SUMF1: variants seen among roughly 807,000 people sequenced by gnomAD.
SUMF1 encodes formylglycine-generating enzyme.
SUMF1 carries 48 observed loss-of-function variants against 47.6 expected under a neutral mutation model. The ratio of observed to expected loss-of-function variants is 1.01; its 90% confidence interval spans 0.80 to 1.28. SUMF1 has a LOEUF of 1.28. SUMF1 is among the 50% of genes most tolerant of loss of function. The pLI is 0.00. For missense variants in SUMF1, 571 were observed against 485.4 expected (o/e 1.18, Z -1.66); for synonymous variants, 230 against 192.1 (o/e 1.20, Z -1.63).
intron 8 of SUMF1, among the ~76,000 whole-genome samples, chr3:4,127,985 A>G (rs770377742): frequency 2.0e-5 from 3 of 152,154 alleles, no homozygotes; most frequent in Non-Finnish European, 4.4e-5. Context: ...TAGTGACTCT[A>G]TACATAATAC....
chr3:4,365,841 G>T (rs186433485), intron 8 of SUMF1, among the ~76,000 whole-genome samples: 3,038 of 152,156 alleles, frequency 0.02, 105 homozygotes, highest in African/African-American at 0.069. Flanking sequence ...GCATGATTTT[G>T]CAGTGGCTGG....
intron 8 of SUMF1, among the ~76,000 whole-genome samples, chr3:4,264,024 A>T (rs1302568483): frequency 1.3e-5 from 2 of 152,202 alleles, no homozygotes; most frequent in African/African-American, 4.8e-5. Flanking sequence ...TTTCTGAAGA[A>T]GTTTATCATT....
At chr3:4,077,487 C>A (rs555037978) in intron 8 of SUMF1, among the ~76,000 whole-genome samples, 1 of 152,030 alleles carries the variant, frequency 6.6e-6, no homozygotes, top group Non-Finnish European at 1.5e-5. Context: ...TGAAAAAGAA[C>A]AAGTTCATGT....
At chr3:4,345,471 G>C (rs144748418) in intron 8 of SUMF1, among the ~76,000 whole-genome samples, 2 of 152,166 alleles carry the variant, frequency 1.3e-5, no homozygotes, top group Non-Finnish European at 2.9e-5. Flanking sequence ...ATCCTTTCCA[G>C]ACAAGCAAAT....
chr3:4,253,416 G>C (rs368975131), intron 8 of SUMF1, among the ~76,000 whole-genome samples: 162 of 152,314 alleles, frequency 1.1e-3, no homozygotes, highest in African/African-American at 3.7e-3. Flanking sequence ...CACCGTGCAC[G>C]AGCGGAAGCA....
intron 3 of SUMF1, among the ~76,000 whole-genome samples, chr3:4,448,702 T>C (rs1438428501): frequency 1.3e-5 from 2 of 152,190 alleles, no homozygotes; most frequent in Non-Finnish European, 2.9e-5. Flanking sequence ...TTTCCATGTC[T>C]GAGAAAAACA....
chr3:4,232,560 G>C (rs903760174), intron 8 of SUMF1, among the ~76,000 whole-genome samples: 6 of 151,236 alleles, frequency 4.0e-5, no homozygotes, highest in African/African-American at 1.2e-4. Context: ...GGAAATCAGG[G>C]AATTATTCAA....
Position 4,292,039 on chromosome 3 carries a change from A to C in SUMF1, c.1014+84291T>G, listed in dbSNP as rs184824107. ...GCTTCATTCGCTCACTAAAAAGTAC[A>C]ACCAAAGATTGAAACAACTAATTAT... On this transcript the variant is annotated intron_variant and NMD_transcript_variant, in intron 8 of 12. Transcript: ENST00000448413. Among the ~76,000 whole-genome samples the C allele has an allele frequency of 9.3e-4, 142 of 152,324 alleles. 1 individual carries two copies. Among genetic ancestry groups the C allele is most frequent in the Admixed American group, 5.4e-3 (83 of 15,300 alleles).
rs186345820 is a variant in SUMF1 at position 4,116,722 on chromosome 3, G to A, written c.1015-47977C>T. On this transcript the variant is annotated intron_variant and NMD_transcript_variant, in intron 8 of 12. Transcript: ENST00000448413. ...TCTGTACTTTAATCACTTCTTATCT[G>A]GTATCTTCAGTATAGGGTATCGTGC... Among the ~76,000 whole-genome samples, 354 of 152,044 alleles carry A rather than the reference G, an allele frequency of 2.3e-3. 7 individuals are homozygous for A. Among genetic ancestry groups the A allele is most frequent in the Admixed American group, 0.02 (303 of 15,260 alleles).
At chr3:4,359,593 A>G (rs1385047504), downstream of SUMF1, among the ~76,000 whole-genome samples, 2 of 151,692 alleles carry the variant, frequency 1.3e-5, no homozygotes, top group Non-Finnish European at 2.9e-5. Flanking sequence ...GGCTGGGGAA[A>G]CTTACAATCA....
intron 8 of SUMF1, among the ~76,000 whole-genome samples, chr3:4,212,868 T>C (rs942597484): frequency 3.3e-5 from 5 of 151,880 alleles, no homozygotes; most frequent in African/African-American, 1.2e-4. Context: ...GAGAAAAAAT[T>C]ATAAAAACGA....
intron 8 of SUMF1, among the ~76,000 whole-genome samples, chr3:4,370,182 G>A (rs1251372045): frequency 1.3e-5 from 2 of 152,210 alleles, no homozygotes; most frequent in African/African-American, 4.8e-5. Context: ...TCACATGTGG[G>A]CTGAGTTGCC....
intron 1 of SUMF1, among the ~76,000 whole-genome samples, chr3:4,456,202 T>C (rs955680836): frequency 6.6e-6 from 1 of 152,132 alleles, no homozygotes. Flanking sequence ...AAGTTAGGCA[T>C]TGAAGGAATG....
intron 8 of SUMF1, among the ~76,000 whole-genome samples, chr3:4,349,881 G>A (rs919506113): frequency 7.3e-5 from 11 of 151,706 alleles, no homozygotes; most frequent in South Asian, 4.2e-4. Flanking sequence ...GTCAATAGGC[G>A]CAGCAAACCA....
intron 8 of SUMF1, among the ~76,000 whole-genome samples, chr3:4,257,998 A>G (rs1234188394): frequency 2.0e-5 from 3 of 152,118 alleles, no homozygotes; most frequent in Non-Finnish European, 4.4e-5. Context: ...CCTGACAAAA[A>G]CAAGCAATGG....
chr3:4,336,272 G>C (rs1699151236), intron 8 of SUMF1, among the ~76,000 whole-genome samples: 1 of 152,136 alleles, frequency 6.6e-6, no homozygotes, highest in African/African-American at 2.4e-5. Context: ...ATGGGAGGAA[G>C]GGTAGGCAGT....
intron 8 of SUMF1, among the ~76,000 whole-genome samples, chr3:4,143,984 CTCTCTTTT>C (rs777878942): frequency 2.4e-5 from 2 of 81,814 alleles, no homozygotes; most frequent in East Asian, 5.2e-4. Flanking sequence ...ACTGTCTTCT[CTCTCTTTT>C]TTTTTTTTTT....
At chr3:4,162,853 C>T (rs544980987) in intron 8 of SUMF1, among the ~76,000 whole-genome samples, 11 of 151,014 alleles carry the variant, frequency 7.3e-5, no homozygotes, top group African/African-American at 2.2e-4. Flanking sequence ...GTTCCTGTTG[C>T]GGGGACAATC....
intron 8 of SUMF1, among the ~76,000 whole-genome samples, chr3:4,249,206 A>C (rs1696737637): frequency 6.6e-6 from 1 of 152,216 alleles, no homozygotes; most frequent in Admixed American, 6.5e-5. Flanking sequence ...ATATCAAAGG[A>C]ATTTTAGTCT....
Sources: allele counts gnomAD v4.1 joint callset (sites outside exome capture counted in the v4.1 genomes callset), GRCh38; gene constraint gnomAD v4.1.1; transcripts MANE v1.5; gene names NCBI Gene and HGNC (gene_info 2026-07-23, HGNC 2026-07-21).